Variants in SRCIN1 observed in about 807,000 individuals in gnomAD.
SRCIN1 encodes P130Cas-associated protein.
Under a neutral mutation model 116.2 loss-of-function variants are expected in SRCIN1, and 50 were observed. That is an observed-to-expected ratio of 0.43 (90% CI 0.34 to 0.54). The LOEUF is 0.54. Among genes scored for constraint, SRCIN1 ranks in the 20% least tolerant of loss-of-function variants. The probability of loss-of-function intolerance (pLI) is 0.02; values close to 1 mark genes in which losing one functional copy is unlikely to be tolerated. For missense variants in SRCIN1, 1,446 were observed against 1,672.0 expected (o/e 0.86, Z 2.36); for synonymous variants, 736 against 750.0 (o/e 0.98, Z 0.30).
Position 38,572,996 on chromosome 17 carries a change from C to A in SRCIN1, c.325-4765G>T, listed in dbSNP as rs1907196498. 1.3e-5 allele frequency among the ~76,000 whole-genome samples: 2 copies of A among 152,014 alleles called. No individual in the cohort carries two copies. The highest frequency in any genetic ancestry group is 4.8e-5 in the African/African-American group (2 of 41,434). On this transcript the variant is annotated intron_variant, in intron 2 of 18. Transcript: ENST00000617146. The surrounding 1 kb of genome is among the most constrained non-coding windows in gnomAD (Gnocchi z 4.3). The stretch of plus-strand genomic sequence containing the variant: ...GAGCGGCGGAGGCTGGTGGCTGCGT[C>A]GCCGCGGTCACCCGATACGCCGGCC...
intron 2 of SRCIN1, among the ~76,000 whole-genome samples, chr17:38,569,507 T>C (rs1384917753): frequency 3.9e-5 from 6 of 152,032 alleles, no homozygotes; most frequent in Middle Eastern, 3.2e-3. Context: ...TGGAAGGGGC[T>C]GAGTCGAGGG....
chr17:38,573,409 A>C (rs887956536), intron 2 of SRCIN1, among the ~76,000 whole-genome samples: 1 of 152,184 alleles, frequency 6.6e-6, no homozygotes, highest in African/African-American at 2.4e-5. Context: ...GGAACCTCAG[A>C]CTCAGCCTTA....
rs757884074 is a variant in SRCIN1, at chr17:38,552,101, TGGG to T, written c.2509_2511del (p.Pro837del). The T allele has an allele frequency of 6.2e-7, 1 of 1,612,716 alleles. No individual in the cohort carries two copies. Among genetic ancestry groups the T allele is most frequent in the Non-Finnish European group, 8.5e-7 (1 of 1,179,500 alleles). ...TTGGGGGACTGACTCAGGAGATTGT[TGGG>T]GGGTGGCCACACACCCTCATCCACT... On this transcript the variant is annotated inframe_deletion, in exon 14 of 19. Transcript: ENST00000617146. This position sits in a 1 kb window ranked among gnomAD's most constrained non-coding sequence, Gnocchi z 5.3.
chr17:38,585,888 A>G lies in SRCIN1; in HGVS notation c.23-7097T>C, dbSNP rs558459529. On this transcript the variant is annotated intron_variant, in intron 1 of 18. Transcript: ENST00000617146. The surrounding 1 kb of genome is among the most constrained non-coding windows in gnomAD (Gnocchi z 4.2). ...GGCAGCTGGACTGAGGATTGGAGACAGGGGGCTCCTGCCTAGCTCCTGGCA... is the reference window on the plus strand; with the variant it reads ...GGCAGCTGGACTGAGGATTGGAGACGGGGGGCTCCTGCCTAGCTCCTGGCA... Among the ~76,000 whole-genome samples, 63 of 152,272 alleles carry G rather than the reference A, an allele frequency of 4.1e-4. No individual in the cohort carries two copies. Among genetic ancestry groups the G allele is most frequent in the African/African-American group, 1.4e-3 (59 of 41,552 alleles).
At position 38,602,056 on chromosome 17, in the gene SRCIN1, T is replaced by G. The variant is rs1490588524; in HGVS notation, c.22+3628A>C. Among the ~76,000 whole-genome samples, 1 of 152,010 alleles carries G rather than the reference T, an allele frequency of 6.6e-6. No individual in the cohort carries two copies. The highest frequency in any genetic ancestry group is 1.5e-5 in the Non-Finnish European group (1 of 67,982). Reference sequence around the variant, plus strand: ...AGACTGAGGGCATCCAGGGGAGTGCTCTGGAGCCCAGGTATCGGGTAGAGG... The same window carrying G: ...AGACTGAGGGCATCCAGGGGAGTGCGCTGGAGCCCAGGTATCGGGTAGAGG... On this transcript the variant is annotated intron_variant, in intron 1 of 18. Coordinates refer to ENST00000617146, the MANE Select transcript of SRCIN1 (RefSeq NM_025248.3). This position sits in a 1 kb window ranked among gnomAD's most constrained non-coding sequence, Gnocchi z 4.2.
Position 38,562,685 on chromosome 17 carries a change from CA to C in SRCIN1, c.834+141del. ...ATGGAGGGGAAAGTGGCAGGTGGGA[CA>C]GGGGCTCTTCCCTAACCCCTCAGCC... is the stretch of plus-strand genomic sequence containing the variant. On this transcript the variant is annotated intron_variant, in intron 6 of 18. Transcript: ENST00000617146. The surrounding 1 kb of genome is among the most constrained non-coding windows in gnomAD (Gnocchi z 4.2). The C allele has an allele frequency of 4.2e-6, 3 of 722,228 alleles. No homozygotes were observed. The highest frequency in any genetic ancestry group is 3.4e-5 in the South Asian group (2 of 58,662). 44.7% of individuals were successfully genotyped at this position (722,228 alleles called of 1,614,324 possible).
rs567285197 is a variant in SRCIN1, at chr17:38,585,726, T to C, written c.23-6935A>G. Among the ~76,000 whole-genome samples, 28 of 152,326 alleles carry C rather than the reference T, an allele frequency of 1.8e-4. No homozygotes were observed. The highest frequency in any genetic ancestry group is 6.0e-4 in the African/African-American group (25 of 41,576). On this transcript the variant is annotated intron_variant, in intron 1 of 18. Transcript: ENST00000617146. The surrounding 1 kb of genome is among the most constrained non-coding windows in gnomAD (Gnocchi z 4.2). Reference sequence around the variant, plus strand: ...GCAACCAAAGTCATTTTCCGGGCAATTGCCTTTCTGTAAACATTCCTGTGT... The same window carrying C: ...GCAACCAAAGTCATTTTCCGGGCAACTGCCTTTCTGTAAACATTCCTGTGT...
At chr17:38,554,609 C>A (rs1401465879) in intron 11 of SRCIN1, among the ~76,000 whole-genome samples, 1 of 152,156 alleles carries the variant, frequency 6.6e-6, no homozygotes, top group Non-Finnish European at 1.5e-5. Context: ...GTGCAGCCTT[C>A]TGGACTACTA....
intron 18 of SRCIN1, among the ~76,000 whole-genome samples, chr17:38,540,511 A>G (rs1904663685): frequency 6.8e-6 from 1 of 147,068 alleles, no homozygotes; most frequent in Admixed American, 7.1e-5. Flanking sequence ...TTCTGTCCCC[A>G]TTGTACAGAC....
At chr17:38,600,233 T>C (rs1908946284) in intron 1 of SRCIN1, among the ~76,000 whole-genome samples, 1 of 152,206 alleles carries the variant, frequency 6.6e-6, no homozygotes, top group African/African-American at 2.4e-5. Flanking sequence ...ACATGATCTT[T>C]TTCCAGGCTA....
At chr17:38,594,799 A>C (rs1243535867) in intron 1 of SRCIN1, among the ~76,000 whole-genome samples, 2 of 152,138 alleles carry the variant, frequency 1.3e-5, no homozygotes, top group Non-Finnish European at 2.9e-5. Flanking sequence ...TCTCAAGTCC[A>C]ATGCTCCAGG....
chr17:38,578,916 G>C (rs988243625), intron 1 of SRCIN1, 125 bp from the exon 2 acceptor site: 39 of 1,128,736 alleles, frequency 3.5e-5, no homozygotes, highest in Non-Finnish European at 4.6e-5. Flanking sequence ...AGGCGCCCGG[G>C]GAGAGGCAGG....
chr17:38,604,426 G>C lies in SRCIN1; in HGVS notation c.22+1258C>G. ...GACCTCCTTGTCCCACAACATTTGA[G>C]GAGGGGGGCTGGGAAGATCCCCCTC... On this transcript the variant is annotated intron_variant, in intron 1 of 18. Transcript: ENST00000617146. This position sits in a 1 kb window ranked among gnomAD's most constrained non-coding sequence, Gnocchi z 4.3. 1 of 418,590 alleles carries C rather than the reference G, an allele frequency of 2.4e-6. No individual in the cohort carries two copies. The highest frequency in any genetic ancestry group is 4.8e-6 in the Non-Finnish European group (1 of 210,486). The allele number at this position is 418,590 out of a possible 1,614,324, so 25.9% of individuals were successfully genotyped here.
intron 11 of SRCIN1, among the ~76,000 whole-genome samples, chr17:38,557,241 T>G (rs755092075): frequency 1.3e-5 from 2 of 152,222 alleles, no homozygotes; most frequent in Admixed American, 6.5e-5. Flanking sequence ...ATTTATGACT[T>G]AGTGAGGAAG....
Position 38,603,209 on chromosome 17 carries a change from G to A in SRCIN1, c.22+2475C>T, listed in dbSNP as rs532889592. Among the ~76,000 whole-genome samples, 6 of 152,064 alleles carry A rather than the reference G, an allele frequency of 3.9e-5. No individual in the cohort carries two copies. In the East Asian group the frequency reaches 5.8e-4, roughly 15 times the overall value. ...AGAGACAGGGAAGGGAGGGGGGAGA[G>A]GGGGAGAGAGAGAGAAAGAGAGAGA... is the stretch of plus-strand genomic sequence containing the variant. On this transcript the variant is annotated intron_variant, in intron 1 of 18. Transcript: ENST00000617146.
Position 38,562,283 on chromosome 17 carries a change from G to A in SRCIN1, c.880C>T (p.Leu294Phe). Residue 294 changes from leucine to phenylalanine, a missense_variant, in exon 7 of 19, where the codon CTC becomes TTC. Coordinates refer to ENST00000617146, the MANE Select transcript of SRCIN1 (RefSeq NM_025248.3). This position sits in a 1 kb window ranked among gnomAD's most constrained non-coding sequence, Gnocchi z 4.2. ...ASRESSPTRR[L>F]NNLSPAPHLA... is the part of the protein sequence containing the mutation. ...TGCGGCGCTGGTGACAGGTTGTTGAGGCGCCGCGTGGGCGAGGACTCCCGC... is the reference window on the plus strand; with the variant it reads ...TGCGGCGCTGGTGACAGGTTGTTGAAGCGCCGCGTGGGCGAGGACTCCCGC... 6.8e-7 allele frequency: 1 copy of A among 1,477,684 alleles called. No homozygotes were observed. The highest frequency in any genetic ancestry group is 1.3e-5 in the South Asian group (1 of 78,222). The allele number at this position is 1,477,684 out of a possible 1,614,324, so 91.5% of individuals were successfully genotyped here. A position where few individuals can be genotyped will look rare whatever the true frequency, so the allele number is the denominator to read the frequency against.
chr17:38,543,409 T>C (rs183415699), intron 18 of SRCIN1, among the ~76,000 whole-genome samples: 48 of 151,384 alleles, frequency 3.2e-4, no homozygotes, highest in African/African-American at 1.1e-3. Flanking sequence ...AGAAACAGAG[T>C]GGCAGGAAGC....
intron 1 of SRCIN1, among the ~76,000 whole-genome samples, chr17:38,598,422 A>G (rs1002035382): frequency 1.4e-4 from 22 of 151,928 alleles, no homozygotes; most frequent in African/African-American, 5.3e-4. Context: ...GTGAGGGGAG[A>G]CTGCAGAACA....
In SRCIN1 at chr17:38,561,413, G is replaced by C. The variant is rs749337576; in HGVS notation, c.1700+50C>G. 17 of 1,443,938 alleles carry C rather than the reference G, an allele frequency of 1.2e-5. No individual in the cohort carries two copies. In the South Asian group the frequency reaches 2.0e-4, roughly 17 times the overall value. The allele number at this position is 1,443,938 out of a possible 1,614,324, so 89.4% of individuals were successfully genotyped here. ...ACGGACTCTGCTGTGAACCCTCTCC[G>C]CAGCGCACCCCCCACCCCCAGTCCC... On this transcript the variant is annotated intron_variant, in intron 7 of 18. Transcript: ENST00000617146.
Sources: allele counts gnomAD v4.1 joint callset (sites outside exome capture counted in the v4.1 genomes callset), GRCh38; gene constraint gnomAD v4.1.1; non-coding constraint Gnocchi (gnomAD v3.1); transcripts MANE v1.5; gene names NCBI Gene and HGNC (gene_info 2026-07-23, HGNC 2026-07-21).